PLCB1: variants seen among roughly 807,000 people sequenced by gnomAD.
PLCB1 encodes the protein phospholipase C beta 1, also known as 1-phosphatidylinositol 4,5-bisphosphate phosphodiesterase beta-1.
In PLCB1, 46 loss-of-function variants were observed where a neutral mutation model predicts 161.8. The observed-to-expected ratio is 0.28, with a 90% CI of 0.22 to 0.36. The LOEUF is 0.36. PLCB1 is among the 10% of genes least tolerant of loss of function. The pLI, the probability that PLCB1 is intolerant of heterozygous loss-of-function variation, is 1.00. For missense variants in PLCB1, 1,016 were observed against 1,472.5 expected, an observed-to-expected ratio of 0.69 and a Z score of 5.07; for synonymous variants, 517 against 503.7, an observed-to-expected ratio of 1.03 and a Z score of -0.35.
chr20:8,420,718 T>C (rs1306789565), intron 3 of PLCB1, among the ~76,000 whole-genome samples: 2 of 152,210 alleles, frequency 1.3e-5, no homozygotes, highest in African/African-American at 2.4e-5. Context: ...GTTATCTTTT[T>C]GAATAAATAC....
At chr20:8,495,686 C>T (rs548947391) in intron 3 of PLCB1, among the ~76,000 whole-genome samples, 23 of 152,022 alleles carry the variant, frequency 1.5e-4, no homozygotes, top group Non-Finnish European at 2.1e-4. Context: ...CGTGAGCCAC[C>T]GCGCCTGGCC....
At chr20:8,330,259 C>G (rs1353588819) in intron 2 of PLCB1, among the ~76,000 whole-genome samples, 1 of 152,116 alleles carries the variant, frequency 6.6e-6, no homozygotes, top group Non-Finnish European at 1.5e-5. Context: ...ATGTAGAGAG[C>G]AGATATTACT....
At chr20:8,637,713 G>T (rs1988807248) in intron 4 of PLCB1, among the ~76,000 whole-genome samples, 1 of 152,212 alleles carries the variant, frequency 6.6e-6, no homozygotes, top group Non-Finnish European at 1.5e-5. Flanking sequence ...GGGTTATGGT[G>T]TTGGAACTGA....
At position 8,373,043 on chromosome 20, in the gene PLCB1, A is replaced by G. The variant is rs185047619; in HGVS notation, c.246+1593A>G. On this transcript the variant is annotated intron_variant, in intron 3 of 31. Coordinates refer to ENST00000338037, the MANE Select transcript of PLCB1 (RefSeq NM_015192.4). ...TTCGTTTATGGATGTGGTTTGATAAATGTCTACTGAACAGTGACAAATGAA... is the reference window on the plus strand; with the variant it reads ...TTCGTTTATGGATGTGGTTTGATAAGTGTCTACTGAACAGTGACAAATGAA... 1.7e-3 allele frequency among the ~76,000 whole-genome samples: 266 copies of G among 152,258 alleles called. 5 individuals are homozygous for G. Among genetic ancestry groups the G allele is most frequent in the Admixed American group, 0.012 (180 of 15,292 alleles).
intron 3 of PLCB1, among the ~76,000 whole-genome samples, chr20:8,606,708 A>G (rs559671906): frequency 1.1e-4 from 17 of 152,356 alleles, no homozygotes; most frequent in African/African-American, 4.1e-4. Flanking sequence ...GCTTCATAAA[A>G]TTAAAAAGTT....
chr20:8,703,069 A>T (rs1243044939), intron 11 of PLCB1, among the ~76,000 whole-genome samples: 1 of 152,150 alleles, frequency 6.6e-6, no homozygotes, highest in Non-Finnish European at 1.5e-5. Flanking sequence ...GAAGGTAAGG[A>T]TGCTACTCTG....
At chr20:8,840,941 G>A (rs1021652787) in intron 31 of PLCB1, among the ~76,000 whole-genome samples, 7 of 151,914 alleles carry the variant, frequency 4.6e-5, no homozygotes, top group Admixed American at 1.3e-4. Flanking sequence ...CTCAGCCTCC[G>A]GAGTAGCTGG....
intron 3 of PLCB1, among the ~76,000 whole-genome samples, chr20:8,445,396 A>AT (rs1980775619): frequency 1.3e-5 from 2 of 151,894 alleles, no homozygotes; most frequent in Non-Finnish European, 2.9e-5. Flanking sequence ...GTTCTGTTCC[A>AT]TTGGTCTATA....
At chr20:8,838,232 A>G (rs1013151214) in intron 31 of PLCB1, among the ~76,000 whole-genome samples, 2 of 152,192 alleles carry the variant, frequency 1.3e-5, no homozygotes, top group Non-Finnish European at 2.9e-5. Flanking sequence ...CTGAAAATTT[A>G]TACTGTTCAT....
chr20:8,406,200 T>C (rs1049294853), intron 3 of PLCB1, among the ~76,000 whole-genome samples: 1 of 152,188 alleles, frequency 6.6e-6, no homozygotes, highest in African/African-American at 2.4e-5. Context: ...GATAGAGTAA[T>C]TGAAGAAACG....
intron 11 of PLCB1, among the ~76,000 whole-genome samples, chr20:8,707,075 T>A (rs1458889612): frequency 6.6e-6 from 1 of 152,204 alleles, no homozygotes; most frequent in East Asian, 1.9e-4. Flanking sequence ...CTTGCTTTTT[T>A]TGACAGACTC....
intron 18 of PLCB1, chr20:8,729,830 A>C (rs1363025225): frequency 6.6e-6 from 1 of 151,984 alleles, no homozygotes; most frequent in African/African-American, 2.4e-5. Flanking sequence ...AATTGTCTGT[A>C]AAAAATGTTG....
chr20:8,393,312 G>A (rs1987665333), intron 3 of PLCB1, among the ~76,000 whole-genome samples: 1 of 152,034 alleles, frequency 6.6e-6, no homozygotes, highest in South Asian at 2.1e-4. Flanking sequence ...CAGGTATATA[G>A]AATACTTTAT....
At chr20:8,820,105 T>TG (rs200665813) in intron 31 of PLCB1, among the ~76,000 whole-genome samples, 2 of 146,092 alleles carry the variant, frequency 1.4e-5, no homozygotes, top group African/African-American at 5.2e-5. Flanking sequence ...GTTTTATTTA[T>TG]GTTTTTTTTT....
At chr20:8,146,651 ACT>A (rs1348470389) in intron 1 of PLCB1, among the ~76,000 whole-genome samples, 3 of 150,868 alleles carry the variant, frequency 2.0e-5, no homozygotes, top group Admixed American at 6.6e-5. Context: ...GATTCCAGTG[ACT>A]CTTTTTTTTC....
intron 3 of PLCB1, among the ~76,000 whole-genome samples, chr20:8,535,883 G>A (rs550594216): frequency 2.6e-4 from 39 of 152,090 alleles, no homozygotes; most frequent in African/African-American, 7.7e-4. Context: ...TCTCACTTAC[G>A]GAAGCCCTTC....
chr20:8,304,989 A>G (rs1476448690), intron 2 of PLCB1, among the ~76,000 whole-genome samples: 2 of 152,218 alleles, frequency 1.3e-5, no homozygotes, highest in South Asian at 4.1e-4. Flanking sequence ...TGACATTGCT[A>G]TCATCTACTC....
intron 3 of PLCB1, among the ~76,000 whole-genome samples, chr20:8,512,900 T>C (rs1228438128): frequency 6.6e-6 from 1 of 152,198 alleles, no homozygotes; most frequent in Non-Finnish European, 1.5e-5. Context: ...TTATTCCTCT[T>C]GTCTAATGGA....
chr20:8,167,823 C>A (rs1446320752), intron 2 of PLCB1, among the ~76,000 whole-genome samples: 1 of 152,158 alleles, frequency 6.6e-6, no homozygotes, highest in Non-Finnish European at 1.5e-5. Context: ...CTTAAAACAA[C>A]AACCATTTTT....
Sources: allele counts gnomAD v4.1 joint callset (sites outside exome capture counted in the v4.1 genomes callset), GRCh38; gene constraint gnomAD v4.1.1; transcripts MANE v1.5; gene names NCBI Gene and HGNC (gene_info 2026-07-23, HGNC 2026-07-21).